CCDC73: variants seen among roughly 807,000 people sequenced by gnomAD.
The protein encoded by CCDC73 is coiled-coil domain containing 73.
A neutral mutation model predicts 116.5 loss-of-function variants in CCDC73; 95 were observed. The observed-to-expected ratio is 0.82, with a 90% CI of 0.69 to 0.97. The LOEUF is 0.97. Among genes scored for constraint, CCDC73 ranks in the 50% least tolerant of loss-of-function variants. The pLI, the probability that CCDC73 is intolerant of heterozygous loss-of-function variation, is 0.00. For missense variants in CCDC73, 1,066 were observed against 1,206.8 expected, an observed-to-expected ratio of 0.88 and a Z score of 1.73; for synonymous variants, 398 against 401.3, an observed-to-expected ratio of 0.99 and a Z score of 0.10.
intron 2 of CCDC73, among the ~76,000 whole-genome samples, chr11:32,724,034 C>T (rs1013391463): frequency 6.6e-6 from 1 of 152,086 alleles, no homozygotes; most frequent in African/African-American, 2.4e-5. Context: ...ATGTGGCTAA[C>T]ACCCATTTTA....
chr11:32,719,713 C>T (rs953173348), intron 2 of CCDC73, among the ~76,000 whole-genome samples: 8 of 151,996 alleles, frequency 5.3e-5, no homozygotes, highest in African/African-American at 1.9e-4. Context: ...GGTCAAAGAG[C>T]TAAAAGAGAC....
chr11:32,614,002 C>G lies in CCDC73; in HGVS notation c.2316G>C (p.Val772=), dbSNP rs1855447696. 6.2e-7 allele frequency: 1 copy of G among 1,611,314 alleles called. No individual in the cohort carries two copies. The highest frequency in any genetic ancestry group is 1.3e-5 in the African/African-American group (1 of 75,016). ...TGTTAAGATGAAGATGGGAAATGTT[C>G]ACATTAGTGTTTTCTAAGTATCCCA... ...NCLGYLENTN[V]NISHLHLNNE... is the part of the protein sequence containing the mutation. The change falls in exon 16 of 18, where the codon GTG becomes GTC. Residue 772 remains valine, a synonymous_variant. Coordinates refer to ENST00000335185, the MANE Select transcript of CCDC73 (RefSeq NM_001008391.4).
intron 7 of CCDC73, among the ~76,000 whole-genome samples, chr11:32,676,370 C>T (rs962639192): frequency 3.3e-5 from 5 of 152,250 alleles, no homozygotes; most frequent in Middle Eastern, 3.4e-3. Context: ...TGGTACTTTA[C>T]GAGGTATTTT....
intron 13 of CCDC73, among the ~76,000 whole-genome samples, chr11:32,641,097 T>C (rs148694471): frequency 1.3e-5 from 2 of 152,218 alleles, no homozygotes; most frequent in African/African-American, 2.4e-5. Context: ...ATGTAATAAT[T>C]TGAATCAAAC....
chr11:32,798,546 T>C (rs1850746067), upstream of CCDC73, among the ~76,000 whole-genome samples: 1 of 152,238 alleles, frequency 6.6e-6, no homozygotes, highest in Non-Finnish European at 1.5e-5. Context: ...GCTCAAGTGA[T>C]CCTCCTGCCT....
At chr11:32,804,158 A>T in the CCDC73 span, among the ~76,000 whole-genome samples, 1 of 151,220 alleles carries the variant, frequency 6.6e-6, no homozygotes, top group Non-Finnish European at 1.5e-5. Context: ...GTTTTTTTTG[A>T]GACAATATCT....
chr11:32,791,244 T>C (rs1201246288), intron 1 of CCDC73, among the ~76,000 whole-genome samples: 2 of 152,156 alleles, frequency 1.3e-5, no homozygotes, highest in Admixed American at 6.5e-5. Context: ...ACATCAATAA[T>C]TTACAATAAA....
At chr11:32,614,989 C>T in intron 15 of CCDC73, 47 bp from the exon 16 acceptor site, 1 of 1,135,962 alleles carries the variant, frequency 8.8e-7, no homozygotes. Context: ...ACACTAAAGG[C>T]TGATTTCATA....
At chr11:32,698,567 A>G (rs1849779286) in intron 6 of CCDC73, among the ~76,000 whole-genome samples, 1 of 152,218 alleles carries the variant, frequency 6.6e-6, no homozygotes, top group Non-Finnish European at 1.5e-5. Context: ...CTTCTAATGT[A>G]AAAATATATT....
intron 2 of CCDC73, among the ~76,000 whole-genome samples, chr11:32,735,055 C>A (rs984111960): frequency 1.3e-5 from 2 of 152,154 alleles, no homozygotes; most frequent in African/African-American, 4.8e-5. Context: ...AAACCCACAG[C>A]CAATATCATA....
rs369572026 is a variant in CCDC73, at chr11:32,786,338, T to C, written c.-16+8275A>G. On this transcript the variant is annotated intron_variant, in intron 1 of 17. Transcript: ENST00000335185. The stretch of plus-strand genomic sequence containing the variant: ...ATAACAATAAATCTGTTATTTATAA[T>C]ACTCAAGTATTTATTATATAATTAT... 4.8e-5 allele frequency among the ~76,000 whole-genome samples: 7 copies of C among 146,494 alleles called. No individual in the cohort carries two copies. The East Asian group carries it at 9.7e-4, about 20-fold the overall frequency.
At chr11:32,610,242 C>T (rs1020598852) in intron 17 of CCDC73, among the ~76,000 whole-genome samples, 2 of 152,162 alleles carry the variant, frequency 1.3e-5, no homozygotes, top group Non-Finnish European at 2.9e-5. Context: ...TTACCTCCCA[C>T]TGGGTCCCTC....
At chr11:32,653,927 A>T (rs1321462655) in intron 11 of CCDC73, 51 bp downstream of exon 11, 1 of 1,561,182 alleles carries the variant, frequency 6.4e-7, no homozygotes, top group Admixed American at 2.0e-5. Flanking sequence ...TTTACATTTT[A>T]TCTGATTTTT....
At chr11:32,731,964 T>A (rs529611403) in intron 2 of CCDC73, among the ~76,000 whole-genome samples, 50 of 152,274 alleles carry the variant, frequency 3.3e-4, no homozygotes, top group Non-Finnish European at 6.2e-4. Flanking sequence ...AATAACAAAC[T>A]TCTCCGAGCT....
chr11:32,628,909 C>T (rs1228892706), intron 14 of CCDC73, among the ~76,000 whole-genome samples: 1 of 151,506 alleles, frequency 6.6e-6, no homozygotes, highest in Admixed American at 6.6e-5. Flanking sequence ...TACAAATGTT[C>T]AAGGATTTAA....
the CCDC73 span, among the ~76,000 whole-genome samples, chr11:32,811,483 G>A: frequency 2.0e-5 from 3 of 152,246 alleles, no homozygotes; most frequent in African/African-American, 7.2e-5. Context: ...GCCATTAGGT[G>A]TGTGTTAGTC....
intron 9 of CCDC73, among the ~76,000 whole-genome samples, chr11:32,667,001 C>T (rs570692775): frequency 3.3e-4 from 51 of 152,310 alleles, no homozygotes; most frequent in African/African-American, 9.1e-4. Flanking sequence ...AATGTTGCTG[C>T]CTGATTGTTC....
intron 1 of CCDC73, among the ~76,000 whole-genome samples, chr11:32,779,496 T>C (rs1046625563): frequency 6.6e-6 from 1 of 152,176 alleles, no homozygotes; most frequent in East Asian, 1.9e-4. Context: ...GCTACCTCAA[T>C]ATTGGCTACA....
At chr11:32,717,999 T>G in intron 3 of CCDC73, 77 bp downstream of exon 3, 1 of 979,968 alleles carries the variant, frequency 1.0e-6, no homozygotes, top group South Asian at 1.5e-5. Context: ...GTCTCTCCCT[T>G]GACACGTGGG....
Sources: allele counts gnomAD v4.1 joint callset (sites outside exome capture counted in the v4.1 genomes callset), GRCh38; gene constraint gnomAD v4.1.1; transcripts MANE v1.5; gene names NCBI Gene and HGNC (gene_info 2026-07-23, HGNC 2026-07-21).